Variants in RB1 observed in about 807,000 individuals in gnomAD.
The protein encoded by RB1 is retinoblastoma-associated protein.
In RB1, 18 loss-of-function variants were observed where a neutral mutation model predicts 135.4. That is an observed-to-expected ratio of 0.13 (90% CI 0.09 to 0.20). RB1 has a LOEUF of 0.20. Among genes scored for constraint, RB1 ranks in the 10% least tolerant of loss-of-function variants. The pLI, the probability that RB1 is intolerant of heterozygous loss-of-function variation, is 1.00. For synonymous variants in RB1, 365 were observed against 373.2 expected (o/e 0.98, Z 0.25); for missense variants, 868 against 1,110.0 (o/e 0.78, Z 3.10).
chr13:48,439,512 C>A (rs1949215855), intron 17 of RB1: 1 of 152,042 alleles, frequency 6.6e-6, no homozygotes, highest in Non-Finnish European at 1.5e-5. Context: ...CTCACCAGTC[C>A]ACACAACATT....
Position 48,464,980 on chromosome 13 carries a change from T to TTA in RB1, c.2212-17_2212-16insAT. ...TTACTTTTTTTTTTTTTTTTTTTTT[T>TTA]TTACTGTTCTTCCTCAGACATTCAA... is the stretch of plus-strand genomic sequence containing the variant. On this transcript the variant is annotated splice_polypyrimidine_tract_variant and intron_variant, in intron 21 of 26. Transcript: ENST00000267163. The TTA allele has an allele frequency of 5.4e-6, 8 of 1,483,408 alleles. No individual in the cohort carries two copies. The highest frequency in any genetic ancestry group is 4.8e-5 in the East Asian group (2 of 41,514). 91.9% of individuals were successfully genotyped at this position (1,483,408 alleles called of 1,614,324 possible).
intron 17 of RB1, among the ~76,000 whole-genome samples, chr13:48,423,463 CAT>C (rs1208714712): frequency 6.6e-6 from 1 of 152,092 alleles, no homozygotes; most frequent in Non-Finnish European, 1.5e-5. Flanking sequence ...GCACAAGAAA[CAT>C]GTATAAGATT....
intron 2 of RB1, among the ~76,000 whole-genome samples, chr13:48,314,806 A>G (rs1952166780): frequency 6.6e-6 from 1 of 152,140 alleles, no homozygotes; most frequent in Non-Finnish European, 1.5e-5. Flanking sequence ...AGCAGCTAAA[A>G]TCTATGTATT....
chr13:48,476,464 G>T (rs1949504459), intron 24 of RB1: 1 of 467,586 alleles, frequency 2.1e-6, no homozygotes, highest in Non-Finnish European at 3.9e-6. Context: ...AATGTGAGCT[G>T]CATGGGAAAA....
intron 17 of RB1, chr13:48,412,889 T>C (rs1948841576): frequency 5.5e-6 from 1 of 181,652 alleles, no homozygotes; most frequent in Admixed American, 5.9e-5. Context: ...TATTTTCTTT[T>C]CAGTGCAGAG....
At chr13:48,392,490 TTCAA>T (rs2138162103) in intron 17 of RB1, among the ~76,000 whole-genome samples, 1 of 152,294 alleles carries the variant, frequency 6.6e-6, no homozygotes, top group East Asian at 1.9e-4. Context: ...AAGCTATGTC[TTCAA>T]GTTTATTAAT....
intron 6 of RB1, among the ~76,000 whole-genome samples, chr13:48,353,234 C>T (rs967463145): frequency 6.6e-5 from 10 of 151,494 alleles, no homozygotes; most frequent in Non-Finnish European, 1.5e-4. Flanking sequence ...AGAGAAGATA[C>T]AAATAAGATC....
chr13:48,307,786 C>T (rs1952096375), intron 2 of RB1, among the ~76,000 whole-genome samples: 3 of 151,300 alleles, frequency 2.0e-5, no homozygotes, highest in Admixed American at 6.6e-5. Context: ...TTGCTTGAAC[C>T]CAGGAGGTGG....
chr13:48,433,027 C>G (rs1358695944), intron 17 of RB1, among the ~76,000 whole-genome samples: 2 of 151,966 alleles, frequency 1.3e-5, no homozygotes, highest in Non-Finnish European at 2.9e-5. Context: ...TAGATAAGAA[C>G]TCTTTCTACT....
At chr13:48,334,296 A>G (rs1952363913) in intron 2 of RB1, among the ~76,000 whole-genome samples, 2 of 152,202 alleles carry the variant, frequency 1.3e-5, no homozygotes, top group Non-Finnish European at 2.9e-5. Flanking sequence ...TGCACATCCA[A>G]GAATGTCCTT....
At chr13:48,447,162 TG>T (rs1344087382) in intron 17 of RB1, among the ~76,000 whole-genome samples, 1 of 152,230 alleles carries the variant, frequency 6.6e-6, no homozygotes. Context: ...GATGACTCCT[TG>T]TCTTTTTTGC....
At chr13:48,434,121 T>C (rs76623774) in intron 17 of RB1, among the ~76,000 whole-genome samples, 1,776 of 152,218 alleles carry the variant, frequency 0.012, 38 homozygotes, top group African/African-American at 0.041. Context: ...TATTTTATTA[T>C]ATTATAAATT....
chr13:48,327,601 C>T (rs2138064443), intron 2 of RB1, among the ~76,000 whole-genome samples: 1 of 152,284 alleles, frequency 6.6e-6, no homozygotes, highest in Non-Finnish European at 1.5e-5. Context: ...TTAATTTTAT[C>T]TAAATGTACT....
At chr13:48,473,228 T>C in intron 23 of RB1, 132 bp from the exon 24 acceptor site, 1 of 674,120 alleles carries the variant, frequency 1.5e-6, no homozygotes, top group African/African-American at 1.8e-5. Context: ...ATATAGTTTG[T>C]CAGTGGTTCT....
Position 48,329,891 on chromosome 13 carries a change from A to G in RB1, c.265-12708A>G, listed in dbSNP as rs115356323. 6.5e-3 allele frequency among the ~76,000 whole-genome samples: 994 copies of G among 152,288 alleles called. 15 individuals are homozygous for G. Among genetic ancestry groups the G allele is most frequent in the African/African-American group, 0.023 (947 of 41,550 alleles). On this transcript the variant is annotated intron_variant, in intron 2 of 26. Transcript: ENST00000267163. ...AGAAAGAATGCCTTTATATTTGAGC[A>G]TACATGGAACATTCTCCAGGATCAA...
chr13:48,476,249 AATT>A (rs1353502707), intron 24 of RB1, among the ~76,000 whole-genome samples: 1 of 152,208 alleles, frequency 6.6e-6, no homozygotes, highest in Admixed American at 6.5e-5. Flanking sequence ...GTGAATCAAA[AATT>A]ATTATTCATT....
intron 17 of RB1, among the ~76,000 whole-genome samples, chr13:48,414,030 T>C (rs1948864264): frequency 6.6e-6 from 1 of 152,082 alleles, no homozygotes; most frequent in Non-Finnish European, 1.5e-5. Context: ...CTATGAATGG[T>C]TTATATGTTT....
At chr13:48,340,024 T>A (rs1952428689) in intron 2 of RB1, among the ~76,000 whole-genome samples, 2 of 152,184 alleles carry the variant, frequency 1.3e-5, no homozygotes, top group South Asian at 4.1e-4. Context: ...ATAAGTTCAT[T>A]TTCTACAGAG....
At chr13:48,411,667 A>G (rs1176606507) in intron 17 of RB1, 1 of 1,611,106 alleles carries the variant, frequency 6.2e-7, no homozygotes, top group Non-Finnish European at 8.5e-7. Context: ...CTCACAAGAG[A>G]ATATAAAATA....
Sources: gnomAD v4.1 joint callset for allele counts (sites outside exome capture counted in the v4.1 genomes callset) on GRCh38, gnomAD v4.1.1 for gene constraint, MANE v1.5 for transcripts, NCBI Gene and HGNC (gene_info 2026-07-23, HGNC 2026-07-21) for gene names.